Variants in BRCA1 observed in about 807,000 individuals in gnomAD.
BRCA1 encodes the protein BRCA1 DNA repair associated.
BRCA1 carries 140 observed loss-of-function variants against 173.7 expected under a neutral mutation model. That is an observed-to-expected ratio of 0.81 (90% CI 0.70 to 0.93). BRCA1 has a LOEUF of 0.93. Among genes scored for constraint, BRCA1 ranks in the 40% least tolerant of loss-of-function variants. The pLI is 0.00. For missense variants in BRCA1, 1,983 were observed against 2,172.5 expected, an observed-to-expected ratio of 0.91 and a Z score of 1.73; for synonymous variants, 662 against 756.0, an observed-to-expected ratio of 0.88 and a Z score of 2.04.
At chr17:43,099,961 G>T (rs968909593) in intron 6 of BRCA1, 81 bp from the exon 7 acceptor site, 3 of 1,099,182 alleles carry the variant, frequency 2.7e-6, no homozygotes, top group African/African-American at 3.1e-5. Context: ...TTGACACCAT[G>T]GACAAAATAA....
intron 1 of BRCA1, among the ~76,000 whole-genome samples, chr17:43,137,695 T>C (rs1281014706): frequency 9.9e-5 from 15 of 152,022 alleles, no homozygotes; most frequent in Admixed American, 9.8e-4. Flanking sequence ...CTGGCTAACA[T>C]GGTGAAACTG....
chr17:43,069,348 C>T (rs1025717802), intron 15 of BRCA1, among the ~76,000 whole-genome samples: 1 of 152,206 alleles, frequency 6.6e-6, no homozygotes, highest in Non-Finnish European at 1.5e-5. Flanking sequence ...AAATTTACCA[C>T]ACTTCACCAA....
Position 43,092,153 on chromosome 17 carries a change from T to G in BRCA1, c.3378A>C (p.Pro1126=). ...VVQTVNTDFS[P]YLISDNLEQP... is the part of the protein sequence containing the mutation. Reference sequence around the variant, plus strand: ...GTTCTAAGTTATCTGAAATCAGATATGGAGAGAAATCTGTATTAACAGTCT... The same window carrying G: ...GTTCTAAGTTATCTGAAATCAGATAGGGAGAGAAATCTGTATTAACAGTCT... The change falls in exon 10 of 23, where the codon CCA becomes CCC. Residue 1126 remains proline (P), a synonymous_variant. Coordinates refer to ENST00000357654, the MANE Select transcript of BRCA1 (RefSeq NM_007294.4). 2 of 1,613,410 alleles carry G rather than the reference T, an allele frequency of 1.2e-6. No homozygotes were observed. The highest frequency in any genetic ancestry group is 1.7e-6 in the Non-Finnish European group (2 of 1,179,730).
At chr17:43,160,042 A>ATT (rs1288122295) in intron 1 of BRCA1, 2 of 137,694 alleles carry the variant, frequency 1.5e-5, no homozygotes, top group East Asian at 2.1e-4. Context: ...ACCATCCATG[A>ATT]TTTTTTTTTT....
In BRCA1 at chr17:43,045,043, A is replaced by T; in HGVS notation, c.*635T>A. ...GGTTTCGAACTCCTGACCTCCAGTG[A>T]TCTGCCCACCTTGGCCTCCCAAAGT... On this transcript the variant is annotated 3_prime_UTR_variant, in exon 23 of 23. Transcript: ENST00000357654. 1 of 510,508 alleles carries T rather than the reference A, an allele frequency of 2.0e-6. No homozygotes were observed. The highest frequency in any genetic ancestry group is 4.3e-5 in the East Asian group (1 of 23,012). The allele number at this position is 510,508 out of a possible 1,614,324, so 31.6% of individuals were successfully genotyped here.
intron 1 of BRCA1, chr17:43,166,578 G>C (rs773595721): frequency 1.3e-5 from 2 of 152,032 alleles, no homozygotes; most frequent in African/African-American, 2.4e-5. Context: ...GTTCCTAGTG[G>C]GGTGGGCTTA....
At chr17:43,145,330 T>TTTCA in intron 1 of BRCA1, 2 of 151,940 alleles carry the variant, frequency 1.3e-5, no homozygotes, top group Non-Finnish European at 2.8e-5. Context: ...TTTTTCTTTC[T>TTTCA]TTTTTTTTTT....
intron 1 of BRCA1, among the ~76,000 whole-genome samples, chr17:43,136,012 C>T (rs377463519): frequency 4.6e-5 from 7 of 152,178 alleles, no homozygotes; most frequent in South Asian, 2.1e-4. Context: ...ATACAGGCTT[C>T]GCCGGGCGCA....
intron 1 of BRCA1, among the ~76,000 whole-genome samples, chr17:43,143,647 T>G (rs1380192743): frequency 1.3e-5 from 2 of 152,076 alleles, no homozygotes; most frequent in Non-Finnish European, 2.9e-5. Context: ...ATTAGTGACT[T>G]TTTTTTTGAA....
rs1597879373 is a variant in BRCA1 at position 43,094,637 on chromosome 17, A to G, written c.894T>C (p.Asn298=). The G allele has an allele frequency of 6.2e-7, 1 of 1,614,048 alleles. No homozygotes were observed. The highest frequency in any genetic ancestry group is 1.1e-5 in the South Asian group (1 of 91,078). The change falls in exon 10 of 23, where the codon AAT becomes AAC. Residue 298 remains asparagine, a synonymous_variant. Transcript: ENST00000357654. The part of the protein sequence containing the change: ...SSLLLTKDRM[N]VEKAEFCNKS... Reference sequence around the variant, plus strand: ...TATTACAGAATTCAGCCTTTTCTACATTCATTCTGTCTTTAGTGAGTAATA... The same window carrying G: ...TATTACAGAATTCAGCCTTTTCTACGTTCATTCTGTCTTTAGTGAGTAATA...
In BRCA1 at chr17:43,138,914, T is replaced by A. The variant is rs368431490; in HGVS notation, c.-19-14799A>T. 2.0e-3 allele frequency: 1,526 copies of A among 778,856 alleles called. 6 individuals are homozygous for A. Among genetic ancestry groups the A allele is most frequent in the South Asian group, 6.5e-3 (482 of 74,524 alleles). The allele number at this position is 778,856 out of a possible 1,614,324, so 48.2% of individuals were successfully genotyped here. A position where few individuals can be genotyped will look rare whatever the true frequency, so the allele number is the denominator to read the frequency against. ...CCTGACTTCTTCCATCCTCTGGAAA[T>A]CAGCTGTGGTAAAGTAGCCTGAAAG... On this transcript the variant is annotated intron_variant, in intron 1 of 7. Transcript: ENST00000634433.
At chr17:43,097,625 G>A (rs2054196907) in intron 7 of BRCA1, among the ~76,000 whole-genome samples, 1 of 152,094 alleles carries the variant, frequency 6.6e-6, no homozygotes, top group Admixed American at 6.6e-5. Context: ...AAAAGCACAG[G>A]CTCTGACATC....
At chr17:43,164,244 C>G (rs1056328526) in intron 1 of BRCA1, 2 of 152,196 alleles carry the variant, frequency 1.3e-5, no homozygotes, top group African/African-American at 4.8e-5. Context: ...TCCATTCTTG[C>G]TCTTTAGTGG....
intron 3 of BRCA1, among the ~76,000 whole-genome samples, chr17:43,108,041 G>A (rs1293977890): frequency 6.6e-6 from 1 of 151,904 alleles, no homozygotes; most frequent in African/African-American, 2.4e-5. Context: ...AAAGATTAAG[G>A]GGCTAAAAAA....
rs8176320 is a variant in BRCA1, at chr17:43,044,346, C to T, written c.*1332G>A. The T allele has an allele frequency of 0.01, 5,085 of 496,390 alleles. 48 individuals carry two copies. The highest frequency in any genetic ancestry group is 0.016 in the Non-Finnish European group (4,037 of 252,486). The allele number at this position is 496,390 out of a possible 1,614,324, so 30.7% of individuals were successfully genotyped here. ...TGCAGTGTTAACAGCACAACATTTA[C>T]AAAACGTATTTTGTACAATCAAGTC... On this transcript the variant is annotated 3_prime_UTR_variant, in exon 23 of 23. Transcript: ENST00000357654.
intron 3 of BRCA1, among the ~76,000 whole-genome samples, chr17:43,108,430 G>A (rs1017090828): frequency 8.6e-5 from 13 of 151,628 alleles, no homozygotes; most frequent in Non-Finnish European, 1.6e-4. Flanking sequence ...CCCTCTCTTG[G>A]CCGGGTGCAG....
chr17:43,096,895 C>T (rs957629867), intron 8 of BRCA1, among the ~76,000 whole-genome samples: 1 of 152,112 alleles, frequency 6.6e-6, no homozygotes, highest in African/African-American at 2.4e-5. Flanking sequence ...AGGGTATTTC[C>T]TCCACTATAA....
Position 43,093,496 on chromosome 17 carries a change from T to G in BRCA1, c.2035A>C (p.Lys679Gln). The change falls in exon 10 of 23, where the codon AAG (lysine) becomes CAG (glutamine). Residue 679 changes from lysine (K) to glutamine (Q), a missense_variant. Lys to Gln is a moderately conservative substitution (Grantham distance 53). Transcript: ENST00000357654. ...TGTTCATTTGGCTTGTTACTCTTCT[T>G]GGCTCCAGTTGCAGGTTCTTTACCT... ...MEGKEPATGAKKSNKPNEQTS... is the reference protein window; with the variant it reads ...MEGKEPATGAQKSNKPNEQTS... 6.2e-7 allele frequency: 1 copy of G among 1,614,144 alleles called. No homozygotes were observed. Among genetic ancestry groups the G allele is most frequent in the African/African-American group, 1.3e-5 (1 of 75,070 alleles).
chr17:43,137,041 T>C (rs1263981059), intron 1 of BRCA1, among the ~76,000 whole-genome samples: 1 of 152,044 alleles, frequency 6.6e-6, no homozygotes, highest in African/African-American at 2.4e-5. Context: ...CAAATGTCCA[T>C]CAATGATAGA....
Sources: gnomAD v4.1 joint callset for allele counts (sites outside exome capture counted in the v4.1 genomes callset) on GRCh38, gnomAD v4.1.1 for gene constraint, MANE v1.5 for transcripts, NCBI Gene and HGNC (gene_info 2026-07-23, HGNC 2026-07-21) for gene names.